Variants in OCIAD1 observed in about 807,000 individuals in gnomAD.
The protein encoded by OCIAD1 is OCIA domain-containing protein 1.
Under a neutral mutation model 38.9 loss-of-function variants are expected in OCIAD1, and 29 were observed. The ratio of observed to expected loss-of-function variants is 0.74; its 90% confidence interval spans 0.55 to 1.02. The LOEUF (loss-of-function observed/expected upper bound fraction) is 1.02. Among genes scored for constraint, OCIAD1 ranks in the 50% least tolerant of loss-of-function variants. The pLI is 0.00. For missense variants in OCIAD1, 288 were observed against 289.6 expected (o/e 0.99, Z 0.04); for synonymous variants, 110 against 92.0 (o/e 1.20, Z -1.12).
chr4:48,825,769 C>G (rs1777243892), intron 1 of OCIAD1, among the ~76,000 whole-genome samples: 1 of 147,886 alleles, frequency 6.8e-6, no homozygotes, highest in Non-Finnish European at 1.5e-5. Flanking sequence ...TCTTTCTTTC[C>G]CTCCCTCCCT....
At chr4:48,821,807 G>A (rs1444200322) in intron 1 of OCIAD1, among the ~76,000 whole-genome samples, 1 of 152,120 alleles carries the variant, frequency 6.6e-6, no homozygotes, top group Non-Finnish European at 1.5e-5. Flanking sequence ...GCTACAAAGA[G>A]AATAAAATAC....
intron 1 of OCIAD1, among the ~76,000 whole-genome samples, chr4:48,815,170 G>A (rs1220200043): frequency 1.3e-5 from 2 of 152,128 alleles, no homozygotes; most frequent in African/African-American, 4.8e-5. Flanking sequence ...AAAATTACCC[G>A]GATGTGGTGG....
chr4:48,836,602 G>A (rs1254694375), intron 3 of OCIAD1, among the ~76,000 whole-genome samples: 1 of 152,196 alleles, frequency 6.6e-6, no homozygotes, highest in African/African-American at 2.4e-5. Context: ...TTTCTGCCCT[G>A]TGATTAATAC....
intron 7 of OCIAD1, among the ~76,000 whole-genome samples, chr4:48,854,013 T>G (rs912243567): frequency 6.6e-6 from 1 of 152,016 alleles, no homozygotes; most frequent in African/African-American, 2.4e-5. Flanking sequence ...AGGAAGGGAA[T>G]GGGCAGATTA....
intron 1 of OCIAD1, among the ~76,000 whole-genome samples, chr4:48,816,885 G>A (rs548790661): frequency 2.0e-5 from 3 of 152,204 alleles, no homozygotes; most frequent in South Asian, 2.1e-4. Context: ...GAAGAGAATC[G>A]CTTGAATCTG....
chr4:48,847,159 T>G (rs1560431230), intron 4 of OCIAD1, among the ~76,000 whole-genome samples: 1 of 152,242 alleles, frequency 6.6e-6, no homozygotes, highest in Non-Finnish European at 1.5e-5. Context: ...TAATATTGAT[T>G]GCATTGTGGC....
chr4:48,835,828 CCAA>C (rs1011539139), intron 3 of OCIAD1, among the ~76,000 whole-genome samples: 1 of 151,938 alleles, frequency 6.6e-6, no homozygotes, highest in Non-Finnish European at 1.5e-5. Flanking sequence ...CCCTAATCCC[CCAA>C]CAACAACAAC....
chr4:48,853,338 T>A (rs1779716185), intron 7 of OCIAD1, among the ~76,000 whole-genome samples: 1 of 152,190 alleles, frequency 6.6e-6, no homozygotes, highest in Non-Finnish European at 1.5e-5. Context: ...TATTAATGTG[T>A]TTGCTTACTC....
At chr4:48,837,728 G>T (rs550906165) in intron 3 of OCIAD1, among the ~76,000 whole-genome samples, 93 of 151,312 alleles carry the variant, frequency 6.1e-4, no homozygotes, top group South Asian at 1.3e-3. Context: ...TGATGACACA[G>T]GATTAAGAAA....
At chr4:48,848,316 G>C in intron 4 of OCIAD1, 83 bp from the exon 5 acceptor site, 2 of 691,822 alleles carry the variant, frequency 2.9e-6, no homozygotes, top group Non-Finnish European at 5.1e-6. Flanking sequence ...AGCTAATGTT[G>C]TAAGATTATA....
At chr4:48,829,784 T>C (rs1354049327), upstream of OCIAD1, among the ~76,000 whole-genome samples, 1 of 152,214 alleles carries the variant, frequency 6.6e-6, no homozygotes, top group Non-Finnish European at 1.5e-5. Context: ...ATACTGATTA[T>C]CTCAGGGATT....
At chr4:48,835,192 C>T (rs1036435741) in intron 3 of OCIAD1, among the ~76,000 whole-genome samples, 1 of 152,104 alleles carries the variant, frequency 6.6e-6, no homozygotes, top group Non-Finnish European at 1.5e-5. Context: ...CCTTGGCCTC[C>T]GAAAGTGCTG....
At chr4:48,830,553 C>G (rs551045520), upstream of OCIAD1, 4 of 152,040 alleles carry the variant, frequency 2.6e-5, no homozygotes, top group African/African-American at 4.8e-5. Flanking sequence ...TTCTAACAAC[C>G]CTATATGTAA....
chr4:48,817,043 A>G (rs1388843106), intron 1 of OCIAD1, among the ~76,000 whole-genome samples: 1 of 152,196 alleles, frequency 6.6e-6, no homozygotes, highest in African/African-American at 2.4e-5. Context: ...TCCCAGCAAG[A>G]CCAACGCAGA....
chr4:48,818,442 G>A (rs1777162179), intron 1 of OCIAD1, among the ~76,000 whole-genome samples: 2 of 152,154 alleles, frequency 1.3e-5, no homozygotes, highest in Admixed American at 1.3e-4. Context: ...AAGATCAAAG[G>A]TAGATAAATC....
chr4:48,821,934 A>G (rs1367199994), intron 1 of OCIAD1, among the ~76,000 whole-genome samples: 1 of 152,260 alleles, frequency 6.6e-6, no homozygotes, highest in African/African-American at 2.4e-5. Context: ...GCTCATGGAT[A>G]GGAACAATCA....
intron 4 of OCIAD1, among the ~76,000 whole-genome samples, chr4:48,848,183 T>G (rs962125172): frequency 4.6e-5 from 7 of 152,164 alleles, no homozygotes; most frequent in African/African-American, 1.7e-4. Context: ...CAAGTGATCT[T>G]TCTAAATTTA....
intron 6 of OCIAD1, 129 bp downstream of exon 6, chr4:48,850,211 AGT>A (rs1779312949): frequency 1.1e-6 from 1 of 921,014 alleles, no homozygotes; most frequent in African/African-American, 1.7e-5. Flanking sequence ...GTAGGCTAAA[AGT>A]AATTTGCTTC....
At chr4:48,806,235 C>T (rs1777022174) in intron 1 of OCIAD1, among the ~76,000 whole-genome samples, 1 of 152,082 alleles carries the variant, frequency 6.6e-6, no homozygotes, top group Admixed American at 6.6e-5. Context: ...CCCCTGTGCT[C>T]CAGCCTGGGT....
Sources: allele counts gnomAD v4.1 joint callset (sites outside exome capture counted in the v4.1 genomes callset), GRCh38; gene constraint gnomAD v4.1.1; transcripts MANE v1.5; gene names NCBI Gene and HGNC (gene_info 2026-07-23, HGNC 2026-07-21).